The following SIRPB1 variants were observed in gnomAD, a reference collection of about 807,000 sequenced individuals.
The protein encoded by SIRPB1 is signal-regulatory protein beta-1.
SIRPB1 carries 28 observed loss-of-function variants against 34.1 expected under a neutral mutation model. The observed-to-expected ratio is 0.82, with a 90% CI of 0.61 to 1.12. The LOEUF (loss-of-function observed/expected upper bound fraction) is 1.12. Ranked by LOEUF, SIRPB1 falls within the 50% of genes most tolerant of loss-of-function variation. The pLI is 0.00. For synonymous variants in SIRPB1, 211 were observed against 203.8 expected, an observed-to-expected ratio of 1.04 and a Z score of -0.30; for missense variants, 499 against 507.0, an observed-to-expected ratio of 0.98 and a Z score of 0.15.
intron 1 of SIRPB1, among the ~76,000 whole-genome samples, chr20:1,614,754 A>G (rs2091606414): frequency 6.6e-6 from 1 of 152,122 alleles, no homozygotes; most frequent in Admixed American, 6.5e-5. Flanking sequence ...AGTAATGGCA[A>G]TGAGGATGGG....
Position 1,578,485 on chromosome 20 carries a change from T to C in SIRPB1, c.286A>G (p.Thr96Ala). The C allele has an allele frequency of 6.3e-7, 1 of 1,584,202 alleles. No homozygotes were observed. Among genetic ancestry groups the C allele is most frequent in the South Asian group, 1.1e-5 (1 of 90,494 alleles). Reference protein sequence around the residue: ...FPRVTTVSELTKRNNLDFSIS... With the variant: ...FPRVTTVSELAKRNNLDFSIS... ...GAAAAGTCCAGGTTGTTTCTCTTTG[T>C]GAGTTCTGAAACAGTTGTTACCCGT... The change falls in exon 2 of 6, where the codon ACA becomes GCA. Residue 96 changes from threonine to alanine, a missense_variant. Coordinates refer to ENST00000381605, the MANE Select transcript of SIRPB1 (RefSeq NM_006065.5).
At chr20:1,614,281 C>T (rs546618670) in intron 1 of SIRPB1, among the ~76,000 whole-genome samples, 14 of 152,300 alleles carry the variant, frequency 9.2e-5, no homozygotes, top group African/African-American at 3.1e-4. Context: ...AAGGATGCTA[C>T]ATGGCAACTC....
chr20:1,571,439 G>A (rs1326244392), intron 3 of SIRPB1, among the ~76,000 whole-genome samples: 2 of 152,206 alleles, frequency 1.3e-5, no homozygotes, highest in African/African-American at 2.4e-5. Context: ...CAGTGAAATC[G>A]CCGAGCACAT....
rs780527931 is a variant in SIRPB1, at chr20:1,578,648, G to A, written c.123C>T (p.Ser41=). ...CCGACTCTCCAGCTGCAACTGATAC[G>A]GACTTTTCAGGCTGAATCACCTGTA... ...DELQVIQPEK[S]VSVAAGESAT... The change falls in exon 2 of 6, where the codon TCC becomes TCT. Residue 41 remains serine (S), a synonymous_variant. Coordinates refer to ENST00000381605, the MANE Select transcript of SIRPB1 (RefSeq NM_006065.5). 10 of 1,583,910 alleles carry A rather than the reference G, an allele frequency of 6.3e-6. No homozygotes were observed. Among genetic ancestry groups the A allele is most frequent in the Admixed American group, 5.1e-5 (3 of 59,342 alleles).
Position 1,564,760 on chromosome 20 carries a change from C to T in SIRPB1, c.*740G>A, listed in dbSNP as rs181069766. On this transcript the variant is annotated 3_prime_UTR_variant, in exon 6 of 6. Transcript: ENST00000381605. ...ATTACACTAGAGAAATTGGCAAGCA[C>T]TGCAAAACAGCTTTTGGTTTTTCCC... 1.0e-5 allele frequency: 4 copies of T among 396,804 alleles called. No individual in the cohort carries two copies. Among genetic ancestry groups the T allele is most frequent in the Non-Finnish European group, 1.8e-5 (4 of 225,572 alleles). 24.6% of individuals were successfully genotyped at this position (396,804 alleles called of 1,614,324 possible).
chr20:1,578,677 C>G lies in SIRPB1; in HGVS notation c.94G>C (p.Glu32Gln), dbSNP rs369732461. The G allele has an allele frequency of 4.4e-6, 7 of 1,581,860 alleles. No individual in the cohort carries two copies. The highest frequency in any genetic ancestry group is 5.2e-6 in the Non-Finnish European group (6 of 1,155,672). The change falls in exon 2 of 6, where the codon GAG becomes CAG. Residue 32 changes from glutamate to glutamine, a missense_variant. Glu to Gln is a conservative substitution (Grantham distance 29). Transcript: ENST00000381605. ...GRLTGVAGED[E>Q]LQVIQPEKSV... is the part of the protein sequence containing the mutation. ...TTTTCAGGCTGAATCACCTGTAGCT[C>G]GTCCTCACCTGCCACTCCTGGAAAG... is the stretch of plus-strand genomic sequence containing the variant.
rs2091107239 is a variant in SIRPB1 at position 1,564,866 on chromosome 20, T to G, written c.*634A>C. 1 of 398,356 alleles carries G rather than the reference T, an allele frequency of 2.5e-6. No individual in the cohort carries two copies. Among genetic ancestry groups the G allele is most frequent in the African/African-American group, 2.1e-5 (1 of 48,554 alleles). 24.7% of individuals were successfully genotyped at this position (398,356 alleles called of 1,614,324 possible). On this transcript the variant is annotated 3_prime_UTR_variant, in exon 6 of 6. Coordinates refer to ENST00000381605, the MANE Select transcript of SIRPB1 (RefSeq NM_006065.5). ...TTTGGAGGCAGAACTGAATATGAGT[T>G]GTAAAGGGCAGTCATCGAGGGCTCC... is the stretch of plus-strand genomic sequence containing the variant.
rs1477978539 is a variant in SIRPB1 at position 1,609,698 on chromosome 20, C to CT, written c.76+10170dup. 2.7e-5 allele frequency among the ~76,000 whole-genome samples: 2 copies of CT among 72,778 alleles called. 1 individual carries two copies. The highest frequency in any genetic ancestry group is 1.2e-3 in the East Asian group (2 of 1,720). 47.7% of individuals were successfully genotyped at this position (72,778 alleles called of 152,430 possible). The stretch of plus-strand genomic sequence containing the variant: ...CCTGTAATCTGAGCACTCTGGGAGG[C>CT]TAAAGTGGGTGGATCACCTGAGGTT... On this transcript the variant is annotated intron_variant, in intron 1 of 5. Coordinates refer to ENST00000381605, the MANE Select transcript of SIRPB1 (RefSeq NM_006065.5).
chr20:1,570,809 G>A lies in SIRPB1; in HGVS notation c.1080C>T (p.Thr360=). ...AHQKEHGSDI[T]HEAALAPTAP... The stretch of plus-strand genomic sequence containing the variant: ...AAAAATGGGAAGTAACCGCACCATG[G>A]GTGATATCTGAGCCGTGCTCCTTCT... The change falls in exon 4 of 6, where the codon ACC becomes ACT. Residue 360 remains threonine, a synonymous_variant. Coordinates refer to ENST00000381605, the MANE Select transcript of SIRPB1 (RefSeq NM_006065.5). 1 of 1,609,006 alleles carries A rather than the reference G, an allele frequency of 6.2e-7. No homozygotes were observed. Among genetic ancestry groups the A allele is most frequent in the African/African-American group, 1.3e-5 (1 of 74,832 alleles).
rs2091427304 is a variant in SIRPB1, at chr20:1,587,274, TG to T, written c.77-8581del. ...TTTTGCGTTATAGGAAGATCTCAATTGCTGAACTATTACTGCTGTCATTTGA... is the reference window on the plus strand; with the variant it reads ...TTTTGCGTTATAGGAAGATCTCAATTCTGAACTATTACTGCTGTCATTTGA... On this transcript the variant is annotated intron_variant, in intron 1 of 5. Coordinates refer to ENST00000381605, the MANE Select transcript of SIRPB1 (RefSeq NM_006065.5). 4.0e-5 allele frequency among the ~76,000 whole-genome samples: 2 copies of T among 49,596 alleles called. 1 individual carries two copies. The highest frequency in any genetic ancestry group is 2.7e-4 in the Admixed American group (2 of 7,460). The allele number at this position is 49,596 out of a possible 152,430, so 32.5% of individuals were successfully genotyped here.
In SIRPB1 at chr20:1,565,038, G is replaced by T; in HGVS notation, c.*462C>A. 2.5e-6 allele frequency: 1 copy of T among 398,604 alleles called. No homozygotes were observed. 24.7% of individuals were successfully genotyped at this position (398,604 alleles called of 1,614,324 possible). On this transcript the variant is annotated 3_prime_UTR_variant, in exon 6 of 6. Coordinates refer to ENST00000381605, the MANE Select transcript of SIRPB1 (RefSeq NM_006065.5). The stretch of plus-strand genomic sequence containing the variant: ...TTGAGGGATAGGATGCTTGGACAAA[G>T]AGGAAAGAGAATCATTTTTTTCTTA...
At position 1,577,781 on chromosome 20, in the gene SIRPB1, A is replaced by C. The variant is rs74928022; in HGVS notation, c.433+557T>G. On this transcript the variant is annotated intron_variant, in intron 2 of 5. Transcript: ENST00000381605. ...TCTGAAGATTAAATTAAAAAAAAAAACAACCACGATTTACCCTCTCCATGC... is the reference window on the plus strand; with the variant it reads ...TCTGAAGATTAAATTAAAAAAAAAACCAACCACGATTTACCCTCTCCATGC... Among the ~76,000 whole-genome samples, 3 of 146,484 alleles carry C rather than the reference A, an allele frequency of 2.0e-5. 1 individual carries two copies. Among genetic ancestry groups the C allele is most frequent in the Non-Finnish European group, 4.6e-5 (3 of 65,444 alleles).
chr20:1,563,581 C>T lies in SIRPB1; in HGVS notation c.*1919G>A, dbSNP rs550854530. 16 of 152,256 alleles carry T rather than the reference C, an allele frequency of 1.1e-4. No homozygotes were observed. The highest frequency in any genetic ancestry group is 3.9e-4 in the African/African-American group (16 of 41,530). 9.4% of individuals were successfully genotyped at this position (152,256 alleles called of 1,614,324 possible). ...TTCTCACACTGCTATAAAGAACTAC[C>T]AGAAACTGGATATTTTATGAATAAA... On this transcript the variant is annotated 3_prime_UTR_variant, in exon 6 of 6. Coordinates refer to ENST00000381605, the MANE Select transcript of SIRPB1 (RefSeq NM_006065.5).
At chr20:1,573,603 T>G (rs1374638191) in intron 2 of SIRPB1, among the ~76,000 whole-genome samples, 1 of 140,830 alleles carries the variant, frequency 7.1e-6, no homozygotes, top group Non-Finnish European at 1.6e-5. Flanking sequence ...AGCATGGGTG[T>G]CCCTAGAAGG....
At chr20:1,578,043 G>C in intron 2 of SIRPB1, 2 of 444,104 alleles carry the variant, frequency 4.5e-6, no homozygotes, top group South Asian at 2.3e-5. Flanking sequence ...CTCAAATTGT[G>C]AGTTCCCTCA....
intron 2 of SIRPB1, among the ~76,000 whole-genome samples, chr20:1,573,244 A>G (rs2091268025): frequency 1.0e-5 from 1 of 95,836 alleles, no homozygotes; most frequent in South Asian, 3.8e-4. Context: ...GGTGAAAAAC[A>G]AGGATCACTG....
In SIRPB1 at chr20:1,578,926, C is replaced by A. The variant is rs180762110; in HGVS notation, c.77-232G>T. On this transcript the variant is annotated intron_variant, in intron 1 of 5. Transcript: ENST00000381605. Reference sequence around the variant, plus strand: ...GGTTCAATTTCCTTTTCCTTACTTTCTTCTGTTCTTTCTGTTTGCTTTCTT... The same window carrying A: ...GGTTCAATTTCCTTTTCCTTACTTTATTCTGTTCTTTCTGTTTGCTTTCTT... Among the ~76,000 whole-genome samples, 55 of 148,082 alleles carry A rather than the reference C, an allele frequency of 3.7e-4. 3 individuals are homozygous for A. Among genetic ancestry groups the A allele is most frequent in the Non-Finnish European group, 6.7e-4 (44 of 66,070 alleles).
In SIRPB1 at chr20:1,612,434, G is replaced by T. The variant is rs2091578475; in HGVS notation, c.76+7435C>A. Among the ~76,000 whole-genome samples the T allele has an allele frequency of 2.8e-5, 2 of 72,200 alleles. 1 individual carries two copies. Among genetic ancestry groups the T allele is most frequent in the Admixed American group, 2.2e-4 (2 of 8,922 alleles). The allele number at this position is 72,200 out of a possible 152,430, so 47.4% of individuals were successfully genotyped here. On this transcript the variant is annotated intron_variant, in intron 1 of 5. Coordinates refer to ENST00000381605, the MANE Select transcript of SIRPB1 (RefSeq NM_006065.5). Reference sequence around the variant, plus strand: ...GAGTGTTGCACTTTTTGCATCAATGGATTGGGTGGGGCCGTGTGACTTCTT... The same window carrying T: ...GAGTGTTGCACTTTTTGCATCAATGTATTGGGTGGGGCCGTGTGACTTCTT...
intron 2 of SIRPB1, among the ~76,000 whole-genome samples, chr20:1,572,693 A>G (rs1225894724): frequency 6.6e-6 from 1 of 151,904 alleles, no homozygotes; most frequent in Non-Finnish European, 1.5e-5. Flanking sequence ...CTCTTTAGGT[A>G]TTATAAAAAT....
Sources: gnomAD v4.1 joint callset for allele counts (sites outside exome capture counted in the v4.1 genomes callset) on GRCh38, gnomAD v4.1.1 for gene constraint, MANE v1.5 for transcripts, NCBI Gene and HGNC (gene_info 2026-07-23, HGNC 2026-07-21) for gene names.